The following VGLL3 variants were observed in gnomAD, a reference collection of about 807,000 sequenced individuals.
VGLL3 encodes transcription cofactor vestigial-like protein 3.
In VGLL3, 18 loss-of-function variants were observed where a neutral mutation model predicts 29.2. The ratio of observed to expected loss-of-function variants is 0.62; its 90% CI spans 0.43 to 0.91. The LOEUF is 0.91. VGLL3 is among the 40% of genes least tolerant of loss of function. The pLI, the probability that VGLL3 is intolerant of heterozygous loss-of-function variation, is 0.00. For missense variants in VGLL3, 440 were observed against 413.2 expected, an observed-to-expected ratio of 1.06 and a Z score of -0.56; for synonymous variants, 180 against 151.8, an observed-to-expected ratio of 1.19 and a Z score of -1.36.
chr3:86,945,246 T>C lies in VGLL3; in HGVS notation c.*1778A>G, dbSNP rs568158034. ...ATAGATCTGAAGCTCAAAAGACGGA[T>C]AGGATATAAATGAATACATAAATTA... is the stretch of plus-strand genomic sequence containing the variant. On this transcript the variant is annotated 3_prime_UTR_variant, in exon 4 of 4. Coordinates refer to ENST00000398399, the MANE Select transcript of VGLL3 (RefSeq NM_016206.4). 1 of 152,232 alleles carries C rather than the reference T, an allele frequency of 6.6e-6. No homozygotes were observed. The highest frequency in any genetic ancestry group is 2.4e-5 in the African/African-American group (1 of 41,552). 9.4% of individuals were successfully genotyped at this position (152,232 alleles called of 1,614,324 possible). A position where few individuals can be genotyped will look rare whatever the true frequency, so the allele number is the denominator to read the frequency against.
chr3:86,956,778 C>A (rs1210633134), intron 3 of VGLL3, among the ~76,000 whole-genome samples: 2 of 137,386 alleles, frequency 1.5e-5, no homozygotes, highest in East Asian at 2.1e-4. Flanking sequence ...GAGCGAGACT[C>A]CGTCCCACCG....
chr3:86,964,513 C>T (rs1355495154), intron 3 of VGLL3, among the ~76,000 whole-genome samples: 1 of 152,106 alleles, frequency 6.6e-6, no homozygotes, highest in Non-Finnish European at 1.5e-5. Context: ...GACTCCCCTC[C>T]AAATAAATTC....
At chr3:86,957,889 T>C (rs549705766) in intron 3 of VGLL3, among the ~76,000 whole-genome samples, 2 of 152,240 alleles carry the variant, frequency 1.3e-5, no homozygotes, top group African/African-American at 4.8e-5. Context: ...TCTTCTAAAG[T>C]CCTTCTCCTT....
chr3:86,948,022 C>T (rs915759341), intron 3 of VGLL3, among the ~76,000 whole-genome samples: 22 of 151,442 alleles, frequency 1.5e-4, no homozygotes, highest in East Asian at 7.8e-4. Context: ...AGGTGTATAA[C>T]GAGATACTTT....
Position 86,940,942 on chromosome 3 carries a change from A to T in VGLL3, c.*6082T>A, listed in dbSNP as rs1704385584. 6.6e-6 allele frequency: 1 copy of T among 152,438 alleles called. No individual in the cohort carries two copies. Among genetic ancestry groups the T allele is most frequent in the African/African-American group, 2.4e-5 (1 of 41,446 alleles). The allele number at this position is 152,438 out of a possible 1,614,324, so 9.4% of individuals were successfully genotyped here. On this transcript the variant is annotated 3_prime_UTR_variant, in exon 4 of 4. Transcript: ENST00000398399. ...GGTAGCACAACTTCTTGTAGAACTA[A>T]CAAGTCTGAAAGTTCATGGTATTTC...
At chr3:86,979,706 A>T (rs1705283623) in intron 1 of VGLL3, among the ~76,000 whole-genome samples, 1 of 152,194 alleles carries the variant, frequency 6.6e-6, no homozygotes. Context: ...GTTACTTGCC[A>T]AAAGTCACAA....
In VGLL3 at chr3:86,940,182, A is replaced by G. The variant is rs1704363430; in HGVS notation, c.*6842T>C. On this transcript the variant is annotated 3_prime_UTR_variant, in exon 4 of 4. Coordinates refer to ENST00000398399, the MANE Select transcript of VGLL3 (RefSeq NM_016206.4). ...CGTGTAATAAGAAAATTGAAGGCCC[A>G]CTTAGAGAAACTCTAGCTTTCTTCA... The G allele has an allele frequency of 6.6e-6, 1 of 152,206 alleles. No individual in the cohort carries two copies. The highest frequency in any genetic ancestry group is 2.4e-5 in the African/African-American group (1 of 41,458). 9.4% of individuals were successfully genotyped at this position (152,206 alleles called of 1,614,324 possible).
chr3:86,959,040 C>T (rs1013557673), intron 3 of VGLL3, among the ~76,000 whole-genome samples: 17 of 152,136 alleles, frequency 1.1e-4, no homozygotes, highest in African/African-American at 3.6e-4. Flanking sequence ...AAAGTATTTC[C>T]ATTATTCATA....
chr3:86,967,063 A>T (rs1437393583), intron 3 of VGLL3, among the ~76,000 whole-genome samples: 1 of 151,936 alleles, frequency 6.6e-6, no homozygotes, highest in Non-Finnish European at 1.5e-5. Flanking sequence ...GAACAAGTAC[A>T]AAAGTAGGCT....
rs370630974 is a variant in VGLL3 at position 86,979,202 on chromosome 3, T to C, written c.127-400A>G. Among the ~76,000 whole-genome samples, 649 of 152,304 alleles carry C rather than the reference T, an allele frequency of 4.3e-3. 3 individuals are homozygous for C. Among genetic ancestry groups the C allele is most frequent in the South Asian group, 0.01 (49 of 4,824 alleles). On this transcript the variant is annotated intron_variant, in intron 1 of 3. Coordinates refer to ENST00000398399, the MANE Select transcript of VGLL3 (RefSeq NM_016206.4). ...TTTAAAAATGCAATGTACAGCAGTG[T>C]TATGGTTTAGGACAGAGAGGAATGA...
chr3:86,984,749 A>G (rs1467094231), intron 1 of VGLL3, among the ~76,000 whole-genome samples: 1 of 152,148 alleles, frequency 6.6e-6, no homozygotes, highest in African/African-American at 2.4e-5. Flanking sequence ...TGGAGTCACA[A>G]AGATGAAAGT....
intron 3 of VGLL3, among the ~76,000 whole-genome samples, chr3:86,949,762 G>A (rs931695726): frequency 1.3e-5 from 2 of 149,334 alleles, no homozygotes; most frequent in Admixed American, 6.7e-5. Context: ...GGGAGGCAGA[G>A]CTCACAGTGA....
rs1322220467 is a variant in VGLL3, at chr3:86,944,033, A to C, written c.*2991T>G. ...CTCTAAGTCCAACAGCATCATTTTGATGTGAAAAAAGAAGAGCCAGAGAAT... is the reference window on the plus strand; with the variant it reads ...CTCTAAGTCCAACAGCATCATTTTGCTGTGAAAAAAGAAGAGCCAGAGAAT... On this transcript the variant is annotated 3_prime_UTR_variant, in exon 4 of 4. Transcript: ENST00000398399. The C allele has an allele frequency of 1.3e-5, 2 of 152,156 alleles. No homozygotes were observed. Among genetic ancestry groups the C allele is most frequent in the African/African-American group, 4.8e-5 (2 of 41,436 alleles). 9.4% of individuals were successfully genotyped at this position (152,156 alleles called of 1,614,324 possible).
At position 86,969,026 on chromosome 3, in the gene VGLL3, A is replaced by T; in HGVS notation, c.501T>A (p.His167Gln). The change falls in exon 3 of 4, where the codon CAT (histidine) becomes CAA (glutamine). Residue 167 changes from histidine (H) to glutamine (Q), a missense_variant. Physicochemically the swap from His to Gln is conservative, Grantham distance 24. Coordinates refer to ENST00000398399, the MANE Select transcript of VGLL3 (RefSeq NM_016206.4). The part of the protein sequence containing the change: ...PPPAPCLGGV[H>Q]PDFQVTGPPG... ...GGGGTCCAGTGACCTGGAAGTCAGG[A>T]TGAACTCCCCCCAAACAAGGTGCAG... is the stretch of plus-strand genomic sequence containing the variant. 6.2e-7 allele frequency: 1 copy of T among 1,614,112 alleles called. No individual in the cohort carries two copies. Among genetic ancestry groups the T allele is most frequent in the Non-Finnish European group, 8.5e-7 (1 of 1,180,006 alleles).
chr3:86,954,846 A>C (rs1704684580), intron 3 of VGLL3, among the ~76,000 whole-genome samples: 1 of 149,644 alleles, frequency 6.7e-6, no homozygotes, highest in Non-Finnish European at 1.5e-5. Context: ...ATGAAATGGA[A>C]TACTCTTTGT....
At position 86,968,829 on chromosome 3, in the gene VGLL3, T is replaced by C; in HGVS notation, c.698A>G (p.His233Arg). 1 of 1,613,912 alleles carries C rather than the reference T, an allele frequency of 6.2e-7. No homozygotes were observed. The highest frequency in any genetic ancestry group is 8.5e-7 in the Non-Finnish European group (1 of 1,179,978). Residue 233 changes from histidine (H) to arginine (R), a missense_variant, in exon 3 of 4, where the codon CAT becomes CGT. Transcript: ENST00000398399. ...GCGGTGGCGGTGGTGCATGTGGGCA[T>C]GAGGGTGGTGGTGCCGCATGTACAC... ...HDVYMRHHHP[H>R]AHMHHRHRHH... is the part of the protein sequence containing the mutation.
intron 2 of VGLL3, among the ~76,000 whole-genome samples, chr3:86,973,695 T>C (rs988529034): frequency 7.2e-5 from 11 of 152,180 alleles, no homozygotes; most frequent in Non-Finnish European, 1.0e-4. Flanking sequence ...TCATTTCCAG[T>C]ATCAGCCAGC....
chr3:86,954,823 G>A (rs1704684165), intron 3 of VGLL3, among the ~76,000 whole-genome samples: 1 of 150,834 alleles, frequency 6.6e-6, no homozygotes, highest in Non-Finnish European at 1.5e-5. Context: ...AAAGGAAGAA[G>A]GGAGTGGGGA....
At chr3:86,974,454 T>A (rs150013350) in intron 2 of VGLL3, among the ~76,000 whole-genome samples, 1 of 152,282 alleles carries the variant, frequency 6.6e-6, no homozygotes, top group Non-Finnish European at 1.5e-5. Flanking sequence ...AATGAAATTC[T>A]TTCAACCCTG....
Sources: gnomAD v4.1 joint callset for allele counts (sites outside exome capture counted in the v4.1 genomes callset) on GRCh38, gnomAD v4.1.1 for gene constraint, MANE v1.5 for transcripts, NCBI Gene and HGNC (gene_info 2026-07-23, HGNC 2026-07-21) for gene names.